The following COL25A1 variants were observed in gnomAD, a reference collection of about 807,000 sequenced individuals.
The protein encoded by COL25A1 is collagen alpha-1(XXV) chain.
In COL25A1, 103 loss-of-function variants were observed where a neutral mutation model predicts 128.4. That is an observed-to-expected ratio of 0.80 (90% confidence interval 0.68 to 0.94). COL25A1 has a LOEUF of 0.94. Among genes scored for constraint, COL25A1 ranks in the 40% least tolerant of loss-of-function variants. COL25A1 has a pLI of 0.00. For missense variants in COL25A1, 745 were observed against 840.0 expected (o/e 0.89, Z 1.40); for synonymous variants, 279 against 277.2 (o/e 1.01, Z -0.06).
chr4:109,168,965 C>A (rs1485038449), intron 3 of COL25A1, among the ~76,000 whole-genome samples: 1 of 152,156 alleles, frequency 6.6e-6, no homozygotes, highest in South Asian at 2.1e-4. Context: ...TACCTCTAGG[C>A]TACTCTCCAC....
intron 8 of COL25A1, among the ~76,000 whole-genome samples, chr4:108,962,075 G>A (rs1750771672): frequency 6.6e-6 from 1 of 152,068 alleles, no homozygotes; most frequent in Admixed American, 6.6e-5. Flanking sequence ...GTTAGTTCCT[G>A]CCATTTCCCG....
intron 3 of COL25A1, among the ~76,000 whole-genome samples, chr4:109,121,442 A>C (rs1208928818): frequency 1.3e-5 from 2 of 152,114 alleles, no homozygotes; most frequent in African/African-American, 4.8e-5. Flanking sequence ...GAAAACTAAC[A>C]ACCTAATTAA....
chr4:108,993,502 AAGCACTC>A (rs1160695143), intron 6 of COL25A1, among the ~76,000 whole-genome samples: 1 of 152,174 alleles, frequency 6.6e-6, no homozygotes, highest in Non-Finnish European at 1.5e-5. Flanking sequence ...CCTTTTCCTA[AAGCACTC>A]ATATGTACCA....
At chr4:109,088,126 C>T (rs1764572317) in intron 3 of COL25A1, among the ~76,000 whole-genome samples, 1 of 151,650 alleles carries the variant, frequency 6.6e-6, no homozygotes, top group Admixed American at 6.6e-5. Flanking sequence ...ATATTTTATG[C>T]TGCTCTTATT....
intron 24 of COL25A1, among the ~76,000 whole-genome samples, chr4:108,857,483 C>T (rs2125784685): frequency 6.6e-6 from 1 of 151,350 alleles, no homozygotes; most frequent in East Asian, 2.0e-4. Context: ...AACATTTCTC[C>T]AAGCAGTAAA....
At chr4:109,093,395 G>C (rs72617749) in intron 3 of COL25A1, among the ~76,000 whole-genome samples, 14,803 of 149,860 alleles carry the variant, frequency 0.099, 1,003 homozygotes, top group East Asian at 0.29. Flanking sequence ...CAAAGTGAAA[G>C]GGTCACTTGA....
At chr4:109,193,185 TAGAA>T (rs1775761927) in intron 3 of COL25A1, among the ~76,000 whole-genome samples, 2 of 151,754 alleles carry the variant, frequency 1.3e-5, no homozygotes, top group Non-Finnish European at 2.9e-5. Context: ...AAAGAAAAAT[TAGAA>T]AGAGTAAAAG....
chr4:109,043,841 T>C (rs1760161827), intron 5 of COL25A1, among the ~76,000 whole-genome samples: 1 of 152,106 alleles, frequency 6.6e-6, no homozygotes, highest in Non-Finnish European at 1.5e-5. Context: ...TGATCCAAAA[T>C]AGAAGGTACC....
intron 24 of COL25A1, among the ~76,000 whole-genome samples, chr4:108,856,863 A>G (rs574314726): frequency 4.5e-4 from 69 of 152,256 alleles, no homozygotes; most frequent in African/African-American, 1.5e-3. Flanking sequence ...AAGCTCTGAA[A>G]AATCACCCTA....
At chr4:108,933,863 C>CAT (rs1397180006) in intron 11 of COL25A1, among the ~76,000 whole-genome samples, 1 of 151,588 alleles carries the variant, frequency 6.6e-6, no homozygotes, top group Non-Finnish European at 1.5e-5. Flanking sequence ...CACACACACA[C>CAT]ACACACACAC....
chr4:109,174,331 A>G (rs978501619), intron 3 of COL25A1, among the ~76,000 whole-genome samples: 1 of 152,240 alleles, frequency 6.6e-6, no homozygotes, highest in South Asian at 2.1e-4. Context: ...CCCCCTCCCC[A>G]TTCTGTCCTG....
intron 26 of COL25A1, among the ~76,000 whole-genome samples, chr4:108,849,254 A>C (rs1304991729): frequency 6.6e-6 from 1 of 152,266 alleles, no homozygotes; most frequent in Middle Eastern, 3.4e-3. Context: ...AGCCCCATGA[A>C]TTTTCAACAA....
chr4:108,911,440 CA>C (rs773107004), intron 13 of COL25A1, among the ~76,000 whole-genome samples: 68,020 of 149,882 alleles, frequency 0.45, 18,111 homozygotes, highest in East Asian at 0.93. Context: ...ATAGATTTTT[CA>C]TATAATTGTT....
intron 5 of COL25A1, among the ~76,000 whole-genome samples, chr4:109,029,371 C>T (rs759278380): frequency 2.6e-5 from 4 of 152,180 alleles, no homozygotes; most frequent in Non-Finnish European, 4.4e-5. Flanking sequence ...AGTAGCCTAA[C>T]GCTACGTCAA....
intron 3 of COL25A1, among the ~76,000 whole-genome samples, chr4:109,240,897 A>G (rs1377396374): frequency 6.6e-6 from 1 of 151,812 alleles, no homozygotes; most frequent in African/African-American, 2.4e-5. Context: ...TTTTTATCCC[A>G]TATTATAGTA....
chr4:109,232,876 G>A (rs1779246582), intron 3 of COL25A1, among the ~76,000 whole-genome samples: 2 of 152,100 alleles, frequency 1.3e-5, no homozygotes, highest in African/African-American at 4.8e-5. Flanking sequence ...CTGGTTCCAT[G>A]GCTTCATAAA....
chr4:109,222,683 T>A (rs1778510400), intron 3 of COL25A1, among the ~76,000 whole-genome samples: 1 of 152,068 alleles, frequency 6.6e-6, no homozygotes, highest in Non-Finnish European at 1.5e-5. Context: ...CCCAAGAGAG[T>A]TTAAAAAGTC....
At chr4:108,877,012 T>A (rs1739531311) in intron 19 of COL25A1, among the ~76,000 whole-genome samples, 1 of 152,174 alleles carries the variant, frequency 6.6e-6, no homozygotes, top group African/African-American at 2.4e-5. Context: ...GCAACTAACC[T>A]GGGGTTCAGT....
chr4:109,209,439 A>C (rs1777314671), intron 3 of COL25A1, among the ~76,000 whole-genome samples: 1 of 152,222 alleles, frequency 6.6e-6, no homozygotes. Context: ...TTCTCTCAAT[A>C]AAAATACAGG....
Sources: allele counts gnomAD v4.1 joint callset (sites outside exome capture counted in the v4.1 genomes callset), GRCh38; gene constraint gnomAD v4.1.1; transcripts MANE v1.5; gene names NCBI Gene and HGNC (gene_info 2026-07-23, HGNC 2026-07-21).